L3MBTL4: variants seen among roughly 807,000 people sequenced by gnomAD.
L3MBTL4 encodes lethal(3)malignant brain tumor-like protein 4.
L3MBTL4 carries 70 observed loss-of-function variants against 84.5 expected under a neutral mutation model. That is an observed-to-expected ratio of 0.83 (90% confidence interval 0.68 to 1.01). The LOEUF (loss-of-function observed/expected upper bound fraction) is 1.01. Among genes scored for constraint, L3MBTL4 ranks in the 50% least tolerant of loss-of-function variants. L3MBTL4 has a pLI of 0.00. For synonymous variants in L3MBTL4, 274 were observed against 259.8 expected, an observed-to-expected ratio of 1.05 and a Z score of -0.52; for missense variants, 715 against 754.8, an observed-to-expected ratio of 0.95 and a Z score of 0.62.
intron 12 of L3MBTL4, among the ~76,000 whole-genome samples, chr18:6,199,466 C>T (rs1012260472): frequency 3.3e-5 from 5 of 152,214 alleles, no homozygotes; most frequent in African/African-American, 1.2e-4. Context: ...ATGTCCGTCA[C>T]TGCAGGAAGT....
At chr18:6,066,786 TTTGGTTGA>T (rs1172720831) in intron 16 of L3MBTL4, among the ~76,000 whole-genome samples, 1 of 152,058 alleles carries the variant, frequency 6.6e-6, no homozygotes, top group Non-Finnish European at 1.5e-5. Flanking sequence ...ATAGCAGATA[TTTGGTTGA>T]TTTTTTTATG....
intron 1 of L3MBTL4, among the ~76,000 whole-genome samples, chr18:6,392,411 T>C (rs890588566): frequency 9.9e-5 from 15 of 152,192 alleles, no homozygotes; most frequent in Non-Finnish European, 2.2e-4. Flanking sequence ...TAGCTGGGCA[T>C]GGTGGCACAC....
chr18:5,978,768 A>G (rs1028524275), intron 16 of L3MBTL4, among the ~76,000 whole-genome samples: 1 of 152,164 alleles, frequency 6.6e-6, no homozygotes, highest in Non-Finnish European at 1.5e-5. Context: ...TAGATGTAGC[A>G]CTGGTTGTGA....
chr18:5,997,488 C>G (rs2054025433), intron 16 of L3MBTL4, among the ~76,000 whole-genome samples: 1 of 152,196 alleles, frequency 6.6e-6, no homozygotes, highest in African/African-American at 2.4e-5. Flanking sequence ...TGAACCAGAA[C>G]AAGGCATAAG....
At chr18:6,167,669 G>A (rs1476751663) in intron 13 of L3MBTL4, among the ~76,000 whole-genome samples, 7 of 152,036 alleles carry the variant, frequency 4.6e-5, no homozygotes, top group African/African-American at 1.7e-4. Context: ...GTATTGATGG[G>A]ACATATCTCA....
At chr18:6,038,874 A>G (rs965976153) in intron 16 of L3MBTL4, among the ~76,000 whole-genome samples, 7 of 152,066 alleles carry the variant, frequency 4.6e-5, no homozygotes, top group Admixed American at 2.6e-4. Context: ...TTAACCCCCT[A>G]CGGTTTTTGG....
At chr18:6,081,171 T>C (rs1031184746) in intron 15 of L3MBTL4, 11 of 410,900 alleles carry the variant, frequency 2.7e-5, no homozygotes, top group African/African-American at 2.3e-4. Context: ...AAAAGGCCTT[T>C]CCCCCCTCAT....
chr18:6,275,971 C>G (rs2049062291), intron 4 of L3MBTL4, among the ~76,000 whole-genome samples: 1 of 152,200 alleles, frequency 6.6e-6, no homozygotes, highest in African/African-American at 2.4e-5. Context: ...AAGCCACATA[C>G]CTCCCTCACA....
At chr18:6,006,942 A>G (rs2054516034) in intron 16 of L3MBTL4, among the ~76,000 whole-genome samples, 1 of 152,230 alleles carries the variant, frequency 6.6e-6, no homozygotes, top group Non-Finnish European at 1.5e-5. Flanking sequence ...TTACAGGATA[A>G]ATTCCAAATG....
chr18:6,300,858 C>T (rs544387570), intron 4 of L3MBTL4, among the ~76,000 whole-genome samples: 3 of 152,146 alleles, frequency 2.0e-5, no homozygotes, highest in Non-Finnish European at 4.4e-5. Context: ...CCCAGTGTTA[C>T]ATAACTGAGG....
rs577264407 is a variant in L3MBTL4 at position 6,139,572 on chromosome 18, C to T, written c.1097-1276G>A. Reference sequence around the variant, plus strand: ...ATATCAGTTCCTGGAACGTCCCATCCCATACCTCCTGCTGTTCTGGGCCTT... The same window carrying T: ...ATATCAGTTCCTGGAACGTCCCATCTCATACCTCCTGCTGTTCTGGGCCTT... On this transcript the variant is annotated intron_variant, in intron 13 of 18. Coordinates refer to ENST00000317931, the MANE Select transcript of L3MBTL4 (RefSeq NM_001330559.2). Among the ~76,000 whole-genome samples the T allele has an allele frequency of 2.6e-5, 4 of 152,182 alleles. No homozygotes were observed. The East Asian group carries it at 5.8e-4, about 22-fold the overall frequency.
intron 1 of L3MBTL4, among the ~76,000 whole-genome samples, chr18:6,316,950 T>C (rs1226349828): frequency 6.6e-6 from 1 of 152,174 alleles, no homozygotes; most frequent in Admixed American, 6.5e-5. Context: ...CTTCCCATAC[T>C]GGCCTGAAGC....
At chr18:6,163,262 GGGGGGGGTGGGT>G (rs1299214553) in intron 13 of L3MBTL4, among the ~76,000 whole-genome samples, 1 of 105,286 alleles carries the variant, frequency 9.5e-6, no homozygotes, top group African/African-American at 3.6e-5. Flanking sequence ...GTGTGTGTGG[GGGGGGGGTGGGT>G]GTGTGTGTGT....
intron 1 of L3MBTL4, among the ~76,000 whole-genome samples, chr18:6,375,439 C>T (rs1252413222): frequency 2.0e-5 from 3 of 152,104 alleles, no homozygotes; most frequent in Non-Finnish European, 4.4e-5. Flanking sequence ...AGCCACCTTC[C>T]CACCACCTCG....
intron 14 of L3MBTL4, among the ~76,000 whole-genome samples, chr18:6,127,405 G>T (rs2059729436): frequency 6.6e-6 from 1 of 152,172 alleles, no homozygotes; most frequent in African/African-American, 2.4e-5. Flanking sequence ...GGACACCCCA[G>T]TTCTACATGA....
chr18:6,388,077 C>T (rs62079200), intron 1 of L3MBTL4, among the ~76,000 whole-genome samples: 1 of 151,982 alleles, frequency 6.6e-6, no homozygotes, highest in Admixed American at 6.6e-5. Context: ...CCCTTTTATA[C>T]CCATTAGATT....
intron 16 of L3MBTL4, among the ~76,000 whole-genome samples, chr18:5,970,634 A>G (rs889705726): frequency 6.6e-6 from 1 of 152,258 alleles, no homozygotes; most frequent in Non-Finnish European, 1.5e-5. Context: ...AAAAGACCAC[A>G]AAAGGAAATG....
intron 4 of L3MBTL4, among the ~76,000 whole-genome samples, chr18:6,299,846 A>G (rs371906291): frequency 5.9e-5 from 9 of 151,798 alleles, no homozygotes; most frequent in Non-Finnish European, 1.0e-4. Context: ...TTTTTTTTGT[A>G]TTTGTGGTAG....
intron 13 of L3MBTL4, among the ~76,000 whole-genome samples, chr18:6,170,741 G>T (rs538630326): frequency 1.3e-5 from 2 of 152,134 alleles, no homozygotes; most frequent in East Asian, 1.9e-4. Context: ...GGTGTATTGG[G>T]GGGGGTTCAC....
Sources: gnomAD v4.1 joint callset for allele counts (sites outside exome capture counted in the v4.1 genomes callset) on GRCh38, gnomAD v4.1.1 for gene constraint, MANE v1.5 for transcripts, NCBI Gene and HGNC (gene_info 2026-07-23, HGNC 2026-07-21) for gene names.